RGS7: variants seen among roughly 807,000 people sequenced by gnomAD.
RGS7 encodes the protein regulator of G protein signaling 7.
In RGS7, 27 loss-of-function variants were observed where a neutral mutation model predicts 81.1. The observed-to-expected ratio is 0.33, with a 90% CI of 0.25 to 0.46. The LOEUF is 0.46. Ranked by LOEUF, RGS7 falls within the 20% of genes least tolerant of loss-of-function variation. The pLI, the probability that RGS7 is intolerant of heterozygous loss-of-function variation, is 1.00. For missense variants in RGS7, 396 were observed against 607.4 expected (o/e 0.65, Z 3.66); for synonymous variants, 208 against 207.7 (o/e 1.00, Z -0.01).
chr1:240,937,974 T>C (rs1676925540), intron 4 of RGS7, among the ~76,000 whole-genome samples: 1 of 152,168 alleles, frequency 6.6e-6, no homozygotes, highest in Non-Finnish European at 1.5e-5. Context: ...AACAAAAGGG[T>C]TAGTAAAATT....
At chr1:241,134,707 G>A (rs2103055696) in intron 2 of RGS7, among the ~76,000 whole-genome samples, 1 of 152,304 alleles carries the variant, frequency 6.6e-6, no homozygotes, top group South Asian at 2.1e-4. Context: ...GGAGAGAGTT[G>A]AAGCAGAGTG....
intron 4 of RGS7, 57 bp downstream of exon 4, chr1:240,983,022 A>G (rs7520707): frequency 0.39 from 376,190 of 974,044 alleles, 73,922 homozygotes; most frequent in Middle Eastern, 0.45. Flanking sequence ...CTGATGAAAC[A>G]TATTTCTTAA....
chr1:241,233,631 T>C (rs1033172289), intron 2 of RGS7, among the ~76,000 whole-genome samples: 4 of 152,208 alleles, frequency 2.6e-5, no homozygotes, highest in Non-Finnish European at 5.9e-5. Flanking sequence ...TCTTATCCTT[T>C]CACCCATTGA....
At chr1:241,246,693 G>T (rs984014212) in intron 2 of RGS7, among the ~76,000 whole-genome samples, 1 of 151,972 alleles carries the variant, frequency 6.6e-6, no homozygotes, top group African/African-American at 2.4e-5. Context: ...TAAGGGTCTG[G>T]GTATGTTGGC....
chr1:241,207,617 A>G (rs2073999477), intron 2 of RGS7, among the ~76,000 whole-genome samples: 1 of 152,144 alleles, frequency 6.6e-6, no homozygotes, highest in African/African-American at 2.4e-5. Flanking sequence ...TAAAAAGGTA[A>G]TATCAAAGAA....
chr1:240,907,216 T>C (rs1046063214), intron 6 of RGS7, among the ~76,000 whole-genome samples: 2 of 152,166 alleles, frequency 1.3e-5, no homozygotes, highest in Non-Finnish European at 2.9e-5. Context: ...GTGTATGCAA[T>C]TGTCATGCCT....
intron 4 of RGS7, among the ~76,000 whole-genome samples, chr1:240,955,547 G>A (rs6668615): frequency 0.89 from 128,346 of 143,514 alleles, 56,811 homozygotes; most frequent in Admixed American, 0.94. Flanking sequence ...GCAAGACTCT[G>A]TCTCAAAAAA....
In RGS7 at chr1:240,816,302, C is replaced by T. The variant is rs905358413; in HGVS notation, c.783+15G>A. 2 of 1,543,778 alleles carry T rather than the reference C, an allele frequency of 1.3e-6. No homozygotes were observed. The highest frequency in any genetic ancestry group is 1.8e-6 in the Non-Finnish European group (2 of 1,116,154). On this transcript the variant is annotated intron_variant, in intron 11 of 18. Coordinates refer to ENST00000440928, the MANE Select transcript of RGS7 (RefSeq NM_001364886.1). Reference sequence around the variant, plus strand: ...TCTGTAAACCTTTAACAGGTCATCTCATAGGTTGACTCACCTGTTGTTGTA... The same window carrying T: ...TCTGTAAACCTTTAACAGGTCATCTTATAGGTTGACTCACCTGTTGTTGTA...
intron 3 of RGS7, among the ~76,000 whole-genome samples, chr1:240,985,784 G>C (rs1306374473): frequency 6.6e-6 from 1 of 151,828 alleles, no homozygotes; most frequent in South Asian, 2.1e-4. Context: ...GGTAGAGAGA[G>C]AAAGAGGAAA....
At chr1:241,136,513 A>G (rs1003993722) in intron 2 of RGS7, among the ~76,000 whole-genome samples, 5 of 152,128 alleles carry the variant, frequency 3.3e-5, no homozygotes, top group African/African-American at 1.2e-4. Flanking sequence ...TTGTGTGGCC[A>G]CAGCACAGTC....
chr1:241,123,766 A>G (rs1307297978), intron 2 of RGS7, among the ~76,000 whole-genome samples: 1 of 152,158 alleles, frequency 6.6e-6, no homozygotes, highest in Non-Finnish European at 1.5e-5. Flanking sequence ...AAAGAAAAGA[A>G]AAGAGAACAT....
At chr1:240,961,829 G>C (rs1359919028) in intron 4 of RGS7, among the ~76,000 whole-genome samples, 1 of 152,070 alleles carries the variant, frequency 6.6e-6, no homozygotes, top group Non-Finnish European at 1.5e-5. Context: ...TTTAATTGAT[G>C]ATTATATTGT....
chr1:241,326,107 T>C (rs927047471), intron 2 of RGS7, among the ~76,000 whole-genome samples: 1 of 152,118 alleles, frequency 6.6e-6, no homozygotes, highest in African/African-American at 2.4e-5. Context: ...TCCAAAGCAC[T>C]CACATTCCCC....
At chr1:240,881,699 T>C (rs1373059233) in intron 6 of RGS7, among the ~76,000 whole-genome samples, 1 of 152,140 alleles carries the variant, frequency 6.6e-6, no homozygotes. Context: ...AAACATTTAT[T>C]AAGTGCAAGG....
chr1:240,936,734 T>A (rs200006340), intron 4 of RGS7, 28 bp from the exon 5 acceptor site: 5 of 1,539,090 alleles, frequency 3.2e-6, no homozygotes, highest in Non-Finnish European at 4.5e-6. Context: ...ACAAAGAACA[T>A]AAAAAAGCCT....
chr1:241,005,623 C>T (rs1024212322), intron 3 of RGS7, among the ~76,000 whole-genome samples: 1 of 151,062 alleles, frequency 6.6e-6, no homozygotes, highest in Non-Finnish European at 1.5e-5. Context: ...GCAACTCTGC[C>T]TCCCAGGTTC....
chr1:241,007,019 C>G (rs867619252), intron 3 of RGS7, among the ~76,000 whole-genome samples: 2 of 152,096 alleles, frequency 1.3e-5, no homozygotes, highest in Non-Finnish European at 2.9e-5. Flanking sequence ...TGGGATCAAG[C>G]GATTCTCCTG....
intron 2 of RGS7, among the ~76,000 whole-genome samples, chr1:241,313,798 AG>A (rs1487983020): frequency 2.6e-5 from 4 of 152,250 alleles, no homozygotes; most frequent in African/African-American, 9.6e-5. Flanking sequence ...CATAATTCAT[AG>A]GAAGAGGTCA....
At position 240,970,349 on chromosome 1, in the gene RGS7, A is replaced by C. The variant is rs74149558; in HGVS notation, c.226+12730T>G. Among the ~76,000 whole-genome samples, 873 of 152,304 alleles carry C rather than the reference A, an allele frequency of 5.7e-3. 9 individuals carry two copies. Among genetic ancestry groups the C allele is most frequent in the African/African-American group, 0.02 (827 of 41,560 alleles). On this transcript the variant is annotated intron_variant, in intron 4 of 18. Coordinates refer to ENST00000440928, the MANE Select transcript of RGS7 (RefSeq NM_001364886.1). The stretch of plus-strand genomic sequence containing the variant: ...GGCCTTCATGAAGACCTTTCAGTAC[A>C]TTCTAGGTTTGGGGACTTTGTTGTG...
Sources: gnomAD v4.1 joint callset for allele counts (sites outside exome capture counted in the v4.1 genomes callset) on GRCh38, gnomAD v4.1.1 for gene constraint, MANE v1.5 for transcripts, NCBI Gene and HGNC (gene_info 2026-07-23, HGNC 2026-07-21) for gene names.